The following CNTNAP2 variants were observed in gnomAD, a reference collection of about 807,000 sequenced individuals.
CNTNAP2 encodes the protein contactin associated protein 2.
A neutral mutation model predicts 155.2 loss-of-function variants in CNTNAP2; 98 were observed. That is an observed-to-expected ratio of 0.63 (90% CI 0.54 to 0.75). The LOEUF is 0.75. CNTNAP2 is among the 30% of genes least tolerant of loss of function. The probability of loss-of-function intolerance (pLI) is 0.00; values close to 1 mark genes in which losing one functional copy is unlikely to be tolerated. For missense variants in CNTNAP2, 1,727 were observed against 1,688.1 expected (o/e 1.02, Z -0.40); for synonymous variants, 651 against 631.2 (o/e 1.03, Z -0.47).
intron 1 of CNTNAP2, among the ~76,000 whole-genome samples, chr7:146,308,434 T>C (rs1487752003): frequency 6.6e-6 from 1 of 152,092 alleles, no homozygotes; most frequent in Non-Finnish European, 1.5e-5. Flanking sequence ...TCCTCAGGGA[T>C]CTAGAACTAG....
intron 21 of CNTNAP2, among the ~76,000 whole-genome samples, chr7:148,366,328 T>C (rs1227321742): frequency 8.6e-6 from 1 of 116,830 alleles, no homozygotes. Flanking sequence ...TATGTATACA[T>C]ATCTGTCAAG....
chr7:147,913,931 T>A (rs765229487), intron 14 of CNTNAP2, among the ~76,000 whole-genome samples: 6 of 152,162 alleles, frequency 3.9e-5, no homozygotes, highest in Non-Finnish European at 8.8e-5. Flanking sequence ...TTTTGAGGGC[T>A]ATTTGGGAAT....
chr7:148,030,422 T>C lies in CNTNAP2; in HGVS notation c.2383+52433T>C, dbSNP rs114346031. On this transcript the variant is annotated intron_variant, in intron 15 of 23. Transcript: ENST00000361727. ...TTAAAATATGGAGTTAAAGAAAAGT[T>C]TGATTGTCTTTAATAGTTGCAGTTA... Among the ~76,000 whole-genome samples, 1,380 of 152,320 alleles carry C rather than the reference T, an allele frequency of 9.1e-3. 20 individuals are homozygous for C. The highest frequency in any genetic ancestry group is 0.031 in the African/African-American group (1,295 of 41,570).
chr7:147,435,170 A>G (rs752626641), intron 10 of CNTNAP2, among the ~76,000 whole-genome samples: 3 of 152,190 alleles, frequency 2.0e-5, no homozygotes, highest in Non-Finnish European at 2.9e-5. Context: ...TGAAGACCAA[A>G]TTGTGCTCAG....
intron 21 of CNTNAP2, among the ~76,000 whole-genome samples, chr7:148,297,522 CAGTA>C: frequency 3.3e-5 from 5 of 152,218 alleles, no homozygotes; most frequent in African/African-American, 1.2e-4. Flanking sequence ...AGAGGCATCT[CAGTA>C]AGAGGATGCT....
At chr7:146,421,591 T>C (rs1322915471) in intron 1 of CNTNAP2, among the ~76,000 whole-genome samples, 4 of 152,002 alleles carry the variant, frequency 2.6e-5, no homozygotes, top group Non-Finnish European at 5.9e-5. Context: ...TATTTTTTCA[T>C]TTAAAGTTAA....
At chr7:148,339,655 G>GCTCCCACATGGAGCTGC (rs1464430236) in intron 21 of CNTNAP2, 3 of 152,302 alleles carry the variant, frequency 2.0e-5, no homozygotes, top group Non-Finnish European at 4.4e-5. Flanking sequence ...GCGCGGGCTG[G>GCTCCCACATGGAGCTGC]CTCCCACATG....
intron 18 of CNTNAP2, among the ~76,000 whole-genome samples, chr7:148,205,210 G>A (rs1223235697): frequency 6.6e-6 from 1 of 152,240 alleles, no homozygotes; most frequent in Non-Finnish European, 1.5e-5. Context: ...TAAGGAATAT[G>A]CAGTCTAAGT....
At chr7:147,278,862 ATTTATAATTCTGCATCTGTGATAGGAT>A (rs1335776737) in intron 8 of CNTNAP2, among the ~76,000 whole-genome samples, 5 of 151,424 alleles carry the variant, frequency 3.3e-5, no homozygotes, top group Non-Finnish European at 3.0e-5. Context: ...TATAAATAAC[ATTTATAATTCTGCATCTGTGATAGGAT>A]TTTATAACTG....
chr7:148,272,996 A>G (rs1796809643), intron 21 of CNTNAP2, among the ~76,000 whole-genome samples: 1 of 152,228 alleles, frequency 6.6e-6, no homozygotes, highest in Non-Finnish European at 1.5e-5. Flanking sequence ...ACTCAGCAAG[A>G]CTGACATGGA....
At chr7:146,778,995 G>A (rs73170327) in intron 2 of CNTNAP2, among the ~76,000 whole-genome samples, 2 of 151,992 alleles carry the variant, frequency 1.3e-5, no homozygotes, top group Non-Finnish European at 2.9e-5. Context: ...CTGGGGAAAC[G>A]ATAACAGGCT....
chr7:147,063,672 A>G (rs938444053), intron 4 of CNTNAP2, among the ~76,000 whole-genome samples: 10 of 152,188 alleles, frequency 6.6e-5, no homozygotes, highest in Admixed American at 2.0e-4. Context: ...TAATTAATAT[A>G]AAGTCCAGCA....
chr7:148,101,199 G>T (rs976241278), intron 15 of CNTNAP2, among the ~76,000 whole-genome samples: 2 of 151,716 alleles, frequency 1.3e-5, no homozygotes, highest in African/African-American at 4.8e-5. Flanking sequence ...CGAGTTCATG[G>T]GTGCAGCACA....
At chr7:148,283,298 AGAAAGAAAGGAAGGAAGGAAG>A (rs1797016265) in intron 21 of CNTNAP2, among the ~76,000 whole-genome samples, 2 of 97,700 alleles carry the variant, frequency 2.0e-5, no homozygotes, top group Admixed American at 1.8e-4. Flanking sequence ...AAAGAAAGAA[AGAAAGAAAGGAAGGAAGGAAG>A]GAAAGAAAGA....
chr7:146,798,202 G>A (rs1448427245), intron 2 of CNTNAP2, among the ~76,000 whole-genome samples: 1 of 152,022 alleles, frequency 6.6e-6, no homozygotes, highest in African/African-American at 2.4e-5. Context: ...AGCCGGGGAT[G>A]GGGAGGCAGA....
intron 13 of CNTNAP2, among the ~76,000 whole-genome samples, chr7:147,783,425 C>A (rs1797687675): frequency 6.6e-6 from 1 of 152,120 alleles, no homozygotes; most frequent in Non-Finnish European, 1.5e-5. Flanking sequence ...AGCCTCTGGG[C>A]TGTTTGGTTC....
At chr7:148,296,369 G>C (rs916473175) in intron 21 of CNTNAP2, among the ~76,000 whole-genome samples, 1 of 149,786 alleles carries the variant, frequency 6.7e-6, no homozygotes, top group African/African-American at 2.5e-5. Flanking sequence ...GACCCCCCCC[G>C]CCCACCATCT....
intron 21 of CNTNAP2, among the ~76,000 whole-genome samples, chr7:148,279,310 A>G (rs1467617982): frequency 6.6e-6 from 1 of 152,156 alleles, no homozygotes; most frequent in East Asian, 1.9e-4. Flanking sequence ...ACGTGCACCA[A>G]CGCAACAGCA....
chr7:147,000,583 T>G lies in CNTNAP2; in HGVS notation c.403-43324T>G, dbSNP rs536608847. On this transcript the variant is annotated intron_variant, in intron 3 of 23. Coordinates refer to ENST00000361727, the MANE Select transcript of CNTNAP2 (RefSeq NM_014141.6). ...AAGAGTGGGCCACCTGGTGTGATCC[T>G]TAAGCCCGTGACCACTGCAGCTATT... is the stretch of plus-strand genomic sequence containing the variant. Among the ~76,000 whole-genome samples the G allele has an allele frequency of 3.3e-5, 5 of 152,272 alleles. No homozygotes were observed. In the East Asian group the frequency reaches 9.7e-4, roughly 29 times the overall value.
Sources: allele counts gnomAD v4.1 joint callset (sites outside exome capture counted in the v4.1 genomes callset), GRCh38; gene constraint gnomAD v4.1.1; transcripts MANE v1.5; gene names NCBI Gene and HGNC (gene_info 2026-07-23, HGNC 2026-07-21).